Variants in PPP1R14C observed in about 807,000 individuals in gnomAD.
PPP1R14C encodes protein phosphatase 1 regulatory subunit 14C.
A neutral mutation model predicts 20.4 loss-of-function variants in PPP1R14C; 16 were observed. That is an observed-to-expected ratio of 0.78 (90% confidence interval 0.53 to 1.19). The LOEUF is 1.19. Ranked by LOEUF, PPP1R14C falls within the 50% of genes most tolerant of loss-of-function variation. PPP1R14C has a pLI of 0.00. For synonymous variants in PPP1R14C, 91 were observed against 91.0 expected (o/e 1.00, Z 0.00); for missense variants, 211 against 220.1 (o/e 0.96, Z 0.26).
chr6:150,147,340 C>G (rs528338253), intron 1 of PPP1R14C, among the ~76,000 whole-genome samples: 1 of 151,936 alleles, frequency 6.6e-6, no homozygotes, highest in Admixed American at 6.6e-5. Context: ...CCACCATGCC[C>G]GGCTAATTTT....
intron 1 of PPP1R14C, among the ~76,000 whole-genome samples, chr6:150,169,059 T>C (rs1777469408): frequency 6.6e-6 from 1 of 152,164 alleles, no homozygotes; most frequent in East Asian, 1.9e-4. Context: ...TGTACTTTAG[T>C]AGAAATGGGG....
intron 1 of PPP1R14C, among the ~76,000 whole-genome samples, chr6:150,181,129 A>G (rs954989951): frequency 2.6e-5 from 4 of 152,118 alleles, no homozygotes; most frequent in Admixed American, 1.3e-4. Context: ...TAGTCTGTCT[A>G]TCCATAGTGG....
At chr6:150,192,632 A>G (rs969510185) in intron 1 of PPP1R14C, among the ~76,000 whole-genome samples, 5 of 152,204 alleles carry the variant, frequency 3.3e-5, no homozygotes, top group African/African-American at 1.2e-4. Flanking sequence ...GTTGCATGCC[A>G]CAAAACACCC....
intron 3 of PPP1R14C, among the ~76,000 whole-genome samples, chr6:150,225,904 G>A (rs1376232160): frequency 1.3e-5 from 2 of 152,180 alleles, no homozygotes; most frequent in South Asian, 2.1e-4. Flanking sequence ...GTCCAAGTTT[G>A]CCAATAATGA....
Position 150,185,105 on chromosome 6 carries a change from A to G in PPP1R14C, c.307-29639A>G, listed in dbSNP as rs1017490588. Among the ~76,000 whole-genome samples, 6 of 151,910 alleles carry G rather than the reference A, an allele frequency of 3.9e-5. No individual in the cohort carries two copies. Among genetic ancestry groups the G allele is most frequent in the African/African-American group, 1.5e-4 (6 of 41,360 alleles). ...TTCCGGCTGTTATTAACTATCCTCTATTTCTGATGTAGTAGCATTCTCACT... is the reference window on the plus strand; with the variant it reads ...TTCCGGCTGTTATTAACTATCCTCTGTTTCTGATGTAGTAGCATTCTCACT... On this transcript the variant is annotated intron_variant, in intron 1 of 3. Transcript: ENST00000361131. This position sits in a 1 kb window ranked among gnomAD's most constrained non-coding sequence, Gnocchi z 4.1.
chr6:150,237,897 T>G (rs1271979879), intron 3 of PPP1R14C, among the ~76,000 whole-genome samples: 1 of 151,950 alleles, frequency 6.6e-6, no homozygotes, highest in Non-Finnish European at 1.5e-5. Flanking sequence ...TTAGGTTTTT[T>G]TTAGGCATCT....
At chr6:150,175,122 C>T (rs935152526) in intron 1 of PPP1R14C, among the ~76,000 whole-genome samples, 1 of 152,162 alleles carries the variant, frequency 6.6e-6, no homozygotes, top group African/African-American at 2.4e-5. Context: ...ACAGTAGTAG[C>T]TCACATAGTG....
intron 1 of PPP1R14C, among the ~76,000 whole-genome samples, chr6:150,146,897 G>A (rs1307304083): frequency 6.6e-6 from 1 of 152,140 alleles, no homozygotes; most frequent in African/African-American, 2.4e-5. Context: ...CTCTTACCCA[G>A]TCTAAGGGCA....
At chr6:150,208,699 A>T (rs930191081) in intron 1 of PPP1R14C, among the ~76,000 whole-genome samples, 1 of 152,136 alleles carries the variant, frequency 6.6e-6, no homozygotes, top group Non-Finnish European at 1.5e-5. Flanking sequence ...CCTTTGAGTG[A>T]TAGCGTTTGG....
chr6:150,194,699 A>G (rs1338481378), intron 1 of PPP1R14C: 3 of 985,446 alleles, frequency 3.0e-6, no homozygotes, highest in Non-Finnish European at 3.6e-6. Context: ...ATCTGATAAA[A>G]TGATTTGCTT....
intron 1 of PPP1R14C, among the ~76,000 whole-genome samples, chr6:150,212,474 G>A (rs1475109168): frequency 1.3e-5 from 2 of 152,198 alleles, no homozygotes; most frequent in Non-Finnish European, 2.9e-5. Context: ...GCAAGTCAAA[G>A]CCTGTTTGGC....
At chr6:150,205,303 C>G (rs1055170287) in intron 1 of PPP1R14C, among the ~76,000 whole-genome samples, 1 of 152,162 alleles carries the variant, frequency 6.6e-6, no homozygotes, top group African/African-American at 2.4e-5. Context: ...CTGGGACCAA[C>G]AGCCCCTGGG....
At chr6:150,237,899 T>TA (rs1778383193) in intron 3 of PPP1R14C, among the ~76,000 whole-genome samples, 1 of 151,964 alleles carries the variant, frequency 6.6e-6, no homozygotes, top group Admixed American at 6.6e-5. Context: ...AGGTTTTTTT[T>TA]AGGCATCTGT....
intron 1 of PPP1R14C, among the ~76,000 whole-genome samples, chr6:150,205,391 G>A (rs1005113453): frequency 6.6e-6 from 1 of 152,128 alleles, no homozygotes; most frequent in Non-Finnish European, 1.5e-5. Context: ...TGTTGCATAG[G>A]TGTGAGCTTG....
intron 3 of PPP1R14C, among the ~76,000 whole-genome samples, chr6:150,231,518 CCT>C (rs978562850): frequency 1.3e-5 from 2 of 152,160 alleles, no homozygotes; most frequent in African/African-American, 4.8e-5. Context: ...TTCAGTGTCT[CCT>C]CTCTCTTTTT....
intron 3 of PPP1R14C, among the ~76,000 whole-genome samples, chr6:150,222,787 T>TTG (rs1010825311): frequency 2.7e-5 from 4 of 148,086 alleles, no homozygotes; most frequent in African/African-American, 5.0e-5. Flanking sequence ...TTTTTTTTTT[T>TTG]TTGTGGTGGG....
At position 150,165,279 on chromosome 6, in the gene PPP1R14C, G is replaced by C. The variant is rs148141397; in HGVS notation, c.306+21781G>C. On this transcript the variant is annotated intron_variant, in intron 1 of 3. Coordinates refer to ENST00000361131, the MANE Select transcript of PPP1R14C (RefSeq NM_030949.3). ...AATATTCAATAAATATCAGCTGGTT[G>C]GTGGACAGGTCTGAACTTGCCTTTA... 7.7e-3 allele frequency among the ~76,000 whole-genome samples: 1,173 copies of C among 152,364 alleles called. 13 individuals carry two copies. Among genetic ancestry groups the C allele is most frequent in the African/African-American group, 0.027 (1,106 of 41,582 alleles).
At chr6:150,215,655 A>G (rs1778082361) in intron 2 of PPP1R14C, among the ~76,000 whole-genome samples, 1 of 152,248 alleles carries the variant, frequency 6.6e-6, no homozygotes, top group Admixed American at 6.5e-5. Context: ...TGCTAGATTT[A>G]GCTGGGAGAC....
rs751285371 is a variant in PPP1R14C at position 150,214,840 on chromosome 6, C to T, written c.390+13C>T. The T allele has an allele frequency of 3.2e-6, 5 of 1,586,874 alleles. No homozygotes were observed. The highest frequency in any genetic ancestry group is 4.3e-6 in the Non-Finnish European group (5 of 1,159,160). ...TTCAAAATTACAGGTAAGCAGTTTC[C>T]AAAATTGAGAACCTTCTAATCATGG... On this transcript the variant is annotated intron_variant, in intron 2 of 3. Coordinates refer to ENST00000361131, the MANE Select transcript of PPP1R14C (RefSeq NM_030949.3).
Sources: allele counts gnomAD v4.1 joint callset (sites outside exome capture counted in the v4.1 genomes callset), GRCh38; gene constraint gnomAD v4.1.1; non-coding constraint Gnocchi (gnomAD v3.1); transcripts MANE v1.5; gene names NCBI Gene and HGNC (gene_info 2026-07-23, HGNC 2026-07-21).